Variants in IQSEC2 observed in about 807,000 individuals in gnomAD.
IQSEC2 encodes IQ motif and SEC7 domain-containing protein 2.
IQSEC2 carries 6 observed loss-of-function variants against 74.6 expected under a neutral mutation model. The ratio of observed to expected loss-of-function variants is 0.08; its 90% confidence interval spans 0.04 to 0.16. The LOEUF (loss-of-function observed/expected upper bound fraction) is 0.16, where lower values mean the gene tolerates loss of function less well. Ranked by LOEUF, IQSEC2 falls within the 10% of genes least tolerant of loss-of-function variation. The pLI, the probability that IQSEC2 is intolerant of heterozygous loss-of-function variation, is 1.00. For synonymous variants in IQSEC2, 494 were observed against 544.5 expected, an observed-to-expected ratio of 0.91 and a Z score of 1.29; for missense variants, 734 against 1,306.2, an observed-to-expected ratio of 0.56 and a Z score of 6.75.
intron 1 of IQSEC2, among the ~76,000 whole-genome samples, chrX:53,297,266 A>G (rs369534447): frequency 4.5e-5 from 5 of 111,612 alleles, no homozygotes; most frequent in African/African-American, 1.6e-4. Flanking sequence ...GATAAATCAT[A>G]TGACATACTA....
chrX:53,254,922 G>A lies in IQSEC2; in HGVS notation c.1009C>T (p.Leu337=), dbSNP rs781797392. 1.7e-6 allele frequency: 2 copies of A among 1,210,002 alleles called. No homozygotes were observed. The highest frequency in any genetic ancestry group is 2.2e-6 in the Non-Finnish European group (2 of 894,840). ...AAGGAGCCCCCATACTTCCTCTCCAGCATTTCCACCTGGCAGAGAAGGGTC... is the reference window on the plus strand; with the variant it reads ...AAGGAGCCCCCATACTTCCTCTCCAACATTTCCACCTGGCAGAGAAGGGTC... ...TDLQDKKVEM[L]ERKYGGSFLS... is the part of the protein sequence containing the mutation. The change falls in exon 4 of 15, where the codon CTG becomes TTG. Residue 337 remains leucine, a synonymous_variant. Coordinates refer to ENST00000642864, the MANE Select transcript of IQSEC2 (RefSeq NM_001111125.3).
At chrX:53,232,007 G>C (rs1208637516), downstream of IQSEC2, 1 of 112,112 alleles carries the variant, frequency 8.9e-6, no homozygotes, top group Non-Finnish European at 1.9e-5. Flanking sequence ...TGCTGCTTCT[G>C]GGGACCCTGC....
Position 53,234,267 on chromosome X carries a change from G to A in IQSEC2, c.4419C>T (p.Pro1473=). The A allele has an allele frequency of 9.4e-7, 1 of 1,066,726 alleles. No individual in the cohort carries two copies. Among genetic ancestry groups the A allele is most frequent in the Non-Finnish European group, 1.2e-6 (1 of 815,674 alleles). 87.9% of individuals were successfully genotyped at this position (1,066,726 alleles called of 1,213,427 possible). The change falls in exon 15 of 15, where the codon CCC becomes CCT. Residue 1473 remains proline (P), a synonymous_variant. Transcript: ENST00000642864. The part of the protein sequence containing the change: ...ASGPPGTANP[P]SANPKAKPSR... ...TTGGCTTGGCCTTGGGGTTTGCACTGGGGGGGTTGGCTGTGCCAGGGGGCC... is the reference window on the plus strand; with the variant it reads ...TTGGCTTGGCCTTGGGGTTTGCACTAGGGGGGTTGGCTGTGCCAGGGGGCC...
At chrX:53,284,202 T>C (rs187987428) in intron 2 of IQSEC2, among the ~76,000 whole-genome samples, 11 of 111,180 alleles carry the variant, frequency 9.9e-5, no homozygotes, top group African/African-American at 3.6e-4. Flanking sequence ...CATCTCTAGC[T>C]TTGATCAGAT....
chrX:53,238,194 C>A lies in IQSEC2; in HGVS notation c.3228G>T (p.Leu1076=). ...CCTGCACCTCCGCAATGGACTCGCG[C>A]AGGTCGGATGTAAAGCGCAGCCGGT... is the stretch of plus-strand genomic sequence containing the variant. ...LQDRLRFTSD[L]RESIAEVQEM... Residue 1076 remains leucine (L), a synonymous_variant, in exon 12 of 15, where the codon CTG becomes CTT. Transcript: ENST00000642864. The A allele has an allele frequency of 8.3e-7, 1 of 1,208,988 alleles. No individual in the cohort carries two copies. Among genetic ancestry groups the A allele is most frequent in the Non-Finnish European group, 1.1e-6 (1 of 894,404 alleles).
At chrX:53,257,112 G>A (rs1254222296) in intron 2 of IQSEC2, among the ~76,000 whole-genome samples, 1 of 111,971 alleles carries the variant, frequency 8.9e-6, no homozygotes, top group African/African-American at 3.2e-5. Flanking sequence ...GAATGGGTGT[G>A]GCTGGGACCC....
intron 1 of IQSEC2, among the ~76,000 whole-genome samples, 186 bp from the exon 2 acceptor site, chrX:53,292,110 G>A (rs1053778554): frequency 1.1e-4 from 12 of 111,910 alleles, no homozygotes; most frequent in African/African-American, 3.6e-4. Context: ...AGAGTGCCTC[G>A]CCAGTTGGAG....
At chrX:53,311,892 C>T (rs1298122402) in intron 1 of IQSEC2, among the ~76,000 whole-genome samples, 1 of 111,669 alleles carries the variant, frequency 9.0e-6, no homozygotes, top group Non-Finnish European at 1.9e-5. Context: ...TCACTCCAGC[C>T]TGGGCGAAAG....
intron 2 of IQSEC2, among the ~76,000 whole-genome samples, chrX:53,283,303 G>A (rs2074993931): frequency 8.9e-6 from 1 of 112,380 alleles, no homozygotes; most frequent in Non-Finnish European, 1.9e-5. Context: ...TCTCTGGTGA[G>A]ACAAAGAACC....
downstream of IQSEC2, chrX:53,227,388 A>G (rs1465117934): frequency 1.2e-5 from 3 of 259,705 alleles, no homozygotes; most frequent in African/African-American, 8.4e-5. Flanking sequence ...AAGATTAAAC[A>G]ACTTGCCCAA....
At chrX:53,292,520 C>T (rs1450782276) in intron 1 of IQSEC2, among the ~76,000 whole-genome samples, 1 of 112,032 alleles carries the variant, frequency 8.9e-6, no homozygotes, top group African/African-American at 3.2e-5. Flanking sequence ...CCTGGTCCAA[C>T]CTGCTTATTT....
chrX:53,284,083 T>A (rs945218133), intron 2 of IQSEC2, among the ~76,000 whole-genome samples: 2 of 110,767 alleles, frequency 1.8e-5, no homozygotes, highest in Non-Finnish European at 3.8e-5. Context: ...GGTTTCCGTA[T>A]CTATAGGAAG....
chrX:53,318,929 C>T (rs1415387529), intron 1 of IQSEC2, among the ~76,000 whole-genome samples: 3 of 113,024 alleles, frequency 2.7e-5, no homozygotes, highest in Non-Finnish European at 3.8e-5. Context: ...TCGGTCCTCC[C>T]GGACTGAGCT....
intron 1 of IQSEC2, among the ~76,000 whole-genome samples, chrX:53,304,881 A>G (rs190000426): frequency 7.0e-4 from 78 of 112,104 alleles, no homozygotes; most frequent in Non-Finnish European, 1.2e-3. Context: ...ATTCTGCCTT[A>G]TAATAATCCA....
intron 1 of IQSEC2, among the ~76,000 whole-genome samples, chrX:53,305,115 C>G (rs190076230): frequency 4.6e-4 from 51 of 110,155 alleles, no homozygotes; most frequent in African/African-American, 1.6e-3. Context: ...GATGGAGTAT[C>G]ACCATATTGG....
rs782656702 is a variant in IQSEC2, at chrX:53,235,879, C to A, written c.3452-47G>T. The A allele has an allele frequency of 4.4e-5, 49 of 1,124,830 alleles. No homozygotes were observed. In the Middle Eastern group the frequency reaches 1.4e-3, roughly 33 times the overall value. The allele number at this position is 1,124,830 out of a possible 1,213,427, so 92.7% of individuals were successfully genotyped here. On this transcript the variant is annotated intron_variant, in intron 13 of 14. Coordinates refer to ENST00000642864, the MANE Select transcript of IQSEC2 (RefSeq NM_001111125.3). ...CCAGCGTCAGAGCAGCAACCCCCCC[C>A]CTACCCTGCTGGGCTCCAGAGCTGG...
chrX:53,273,071 G>T (rs1041236958), intron 2 of IQSEC2, among the ~76,000 whole-genome samples: 1 of 110,683 alleles, frequency 9.0e-6, no homozygotes, highest in African/African-American at 3.3e-5. Flanking sequence ...CAGAGTCACC[G>T]AGTTGGTAAG....
rs2147098048 is a variant in IQSEC2, at chrX:53,250,541, G to A, written c.2035C>T (p.Arg679Trp). ...GCTGCCTCGCACTTCCCCAACCTCC[G>A]ACCCCCAGCCACACCACTGGGCCCA... ...GTGPSGVAGG[R>W]RLGKCEAAGE... The change falls in exon 5 of 15, where the codon CGG becomes TGG. Residue 679 changes from arginine to tryptophan, a missense_variant. Physicochemically the swap from Arg to Trp is moderately radical, Grantham distance 101 (BLOSUM62 -3). Coordinates refer to ENST00000642864, the MANE Select transcript of IQSEC2 (RefSeq NM_001111125.3). 8.3e-7 allele frequency: 1 copy of A among 1,211,445 alleles called. No individual in the cohort carries two copies. Among genetic ancestry groups the A allele is most frequent in the South Asian group, 1.8e-5 (1 of 56,982 alleles).
At chrX:53,289,692 C>T (rs1236764722) in intron 2 of IQSEC2, among the ~76,000 whole-genome samples, 2 of 111,489 alleles carry the variant, frequency 1.8e-5, no homozygotes, top group African/African-American at 3.3e-5. Flanking sequence ...GCCCCATACA[C>T]GCCATGCTTT....
Sources: allele counts gnomAD v4.1 joint callset (sites outside exome capture counted in the v4.1 genomes callset), GRCh38; gene constraint gnomAD v4.1.1; transcripts MANE v1.5; gene names NCBI Gene and HGNC (gene_info 2026-07-23, HGNC 2026-07-21).